DTD1: variants seen among roughly 807,000 people sequenced by gnomAD.
The protein encoded by DTD1 is D-tyrosyl-tRNA deacylase 1 homolog.
DTD1 carries 13 observed loss-of-function variants against 25.6 expected under a neutral mutation model. The ratio of observed to expected loss-of-function variants is 0.51; its 90% confidence interval spans 0.33 to 0.81. The LOEUF (loss-of-function observed/expected upper bound fraction) is 0.81. Among genes scored for constraint, DTD1 ranks in the 30% least tolerant of loss-of-function variants. DTD1 has a pLI of 0.02. For missense variants in DTD1, 193 were observed against 266.4 expected, an observed-to-expected ratio of 0.72 and a Z score of 1.92; for synonymous variants, 110 against 103.6, an observed-to-expected ratio of 1.06 and a Z score of -0.37.
intron 4 of DTD1, among the ~76,000 whole-genome samples, chr20:18,669,877 G>A (rs6081285): frequency 6.6e-6 from 1 of 151,972 alleles, no homozygotes; most frequent in African/African-American, 2.4e-5. Context: ...GCTGGCTCCA[G>A]TTCCATTGGG....
intron 4 of DTD1, chr20:18,643,239 T>C: frequency 3.2e-6 from 1 of 312,750 alleles, no homozygotes; most frequent in African/African-American, 2.2e-5. Context: ...ATTTAGCAAT[T>C]TGTTCTCTGG....
chr20:18,717,828 C>T (rs2061187255), intron 4 of DTD1, among the ~76,000 whole-genome samples: 1 of 152,094 alleles, frequency 6.6e-6, no homozygotes, highest in Non-Finnish European at 1.5e-5. Context: ...ATTAACCAGC[C>T]ATTGCATGTT....
chr20:18,740,783 A>C (rs912404794), intron 4 of DTD1, among the ~76,000 whole-genome samples: 1 of 152,214 alleles, frequency 6.6e-6, no homozygotes, highest in African/African-American at 2.4e-5. Flanking sequence ...GTTTGCAAGA[A>C]AGGGAATGAG....
intron 4 of DTD1, among the ~76,000 whole-genome samples, chr20:18,665,766 G>A (rs2060929187): frequency 6.6e-6 from 1 of 152,142 alleles, no homozygotes; most frequent in Admixed American, 6.5e-5. Context: ...ACAAAAGAAT[G>A]TATGTGGTCT....
intron 4 of DTD1, among the ~76,000 whole-genome samples, chr20:18,738,392 C>T (rs775270590): frequency 6.6e-6 from 1 of 152,160 alleles, no homozygotes; most frequent in Non-Finnish European, 1.5e-5. Context: ...ATGAGGGTGG[C>T]TTATAACGTG....
intron 3 of DTD1, among the ~76,000 whole-genome samples, chr20:18,601,946 G>A (rs1326628605): frequency 1.3e-5 from 2 of 148,488 alleles, no homozygotes; most frequent in South Asian, 4.3e-4. Flanking sequence ...CGAGCTGAGA[G>A]AAGAAGGCTT....
intron 3 of DTD1, chr20:18,611,029 T>C (rs1212721218): frequency 2.0e-5 from 3 of 152,276 alleles, no homozygotes; most frequent in African/African-American, 7.2e-5. Context: ...TTTACTTTCT[T>C]ATTCCCCTAA....
intron 4 of DTD1, among the ~76,000 whole-genome samples, chr20:18,649,810 C>T (rs1364273891): frequency 6.6e-6 from 1 of 152,200 alleles, no homozygotes; most frequent in Non-Finnish European, 1.5e-5. Context: ...AAGTGCTATG[C>T]TCAGTAGGCA....
chr20:18,596,169 G>T lies in DTD1; in HGVS notation c.298G>T (p.Glu100Ter). The change falls in exon 3 of 6, where the codon GAG becomes TAG. Residue 100 changes from glutamate to a stop codon, truncating the protein, a stop_gained. Coordinates refer to ENST00000377452, the MANE Select transcript of DTD1 (RefSeq NM_080820.6). LOFTEE classifies it high-confidence loss of function. ...KPDFHLAMPT[E>*]QAEGFYNSFL... ...TGATTTCCACCTAGCAATGCCCACG[G>T]AGCAGGCAGAGGGCTTCTACAACAG... The T allele has an allele frequency of 1.2e-6, 2 of 1,614,182 alleles. No individual in the cohort carries two copies. The highest frequency in any genetic ancestry group is 1.7e-6 in the Non-Finnish European group (2 of 1,180,044).
At chr20:18,657,777 C>A (rs1436674685) in intron 4 of DTD1, among the ~76,000 whole-genome samples, 1 of 152,188 alleles carries the variant, frequency 6.6e-6, no homozygotes, top group Non-Finnish European at 1.5e-5. Flanking sequence ...GCTTTCTGGG[C>A]AGTTGGCAGG....
intron 5 of DTD1, 43 bp downstream of exon 5, chr20:18,744,314 G>C: frequency 6.3e-7 from 1 of 1,596,060 alleles, no homozygotes; most frequent in South Asian, 1.1e-5. Context: ...ACATTTTGGG[G>C]AAGCAGCAAT....
chr20:18,714,269 T>C (rs2061171090), intron 4 of DTD1, among the ~76,000 whole-genome samples: 1 of 152,234 alleles, frequency 6.6e-6, no homozygotes, highest in South Asian at 2.1e-4. Flanking sequence ...ATAACCTTTT[T>C]TGTTTTCCCA....
At chr20:18,730,932 GGTTGACTGA>G (rs1271176457) in intron 4 of DTD1, among the ~76,000 whole-genome samples, 2 of 152,164 alleles carry the variant, frequency 1.3e-5, no homozygotes, top group African/African-American at 4.8e-5. Flanking sequence ...CCTAGTGTTT[GGTTGACTGA>G]GTTCCTTACT....
intron 4 of DTD1, among the ~76,000 whole-genome samples, chr20:18,693,052 G>T (rs1320023526): frequency 1.3e-5 from 2 of 151,902 alleles, no homozygotes; most frequent in Admixed American, 6.6e-5. Context: ...CACCACGCCT[G>T]GCTAATTTTT....
chr20:18,592,255 A>G (rs2060592489), intron 1 of DTD1: 1 of 152,252 alleles, frequency 6.6e-6, no homozygotes, highest in South Asian at 2.1e-4. Context: ...GTAAAATAAC[A>G]TAATCTAATA....
chr20:18,746,339 T>C (rs1405648594), intron 5 of DTD1, among the ~76,000 whole-genome samples: 1 of 152,180 alleles, frequency 6.6e-6, no homozygotes, highest in Admixed American at 6.5e-5. Context: ...CTTTCTCTTC[T>C]GAAAGAGAGC....
At chr20:18,607,834 C>G (rs560168740) in intron 3 of DTD1, among the ~76,000 whole-genome samples, 5 of 152,098 alleles carry the variant, frequency 3.3e-5, no homozygotes, top group African/African-American at 1.2e-4. Context: ...CTGTCTCAGC[C>G]TTTTGAGTAG....
At chr20:18,708,770 G>T (rs754399717) in intron 4 of DTD1, among the ~76,000 whole-genome samples, 1 of 152,142 alleles carries the variant, frequency 6.6e-6, no homozygotes, top group Non-Finnish European at 1.5e-5. Context: ...GAGCAGCACT[G>T]GCTTAGAGGG....
rs539664630 is a variant in DTD1 at position 18,591,909 on chromosome 20, A to G, written c.44-1822A>G. Among the ~76,000 whole-genome samples the G allele has an allele frequency of 2.6e-5, 4 of 152,370 alleles. No homozygotes were observed. In the South Asian group the frequency reaches 6.2e-4, roughly 24 times the overall value. On this transcript the variant is annotated intron_variant, in intron 1 of 5. Transcript: ENST00000377452. ...AGTGGCTCAAAGGACAATAAGTCACACACACATAGTTCATTATAAGAAAAG... is the reference window on the plus strand; with the variant it reads ...AGTGGCTCAAAGGACAATAAGTCACGCACACATAGTTCATTATAAGAAAAG...
Sources: allele counts gnomAD v4.1 joint callset (sites outside exome capture counted in the v4.1 genomes callset), GRCh38; gene constraint gnomAD v4.1.1; transcripts MANE v1.5; gene names NCBI Gene and HGNC (gene_info 2026-07-23, HGNC 2026-07-21).